Variants in CTIF observed in about 807,000 individuals in gnomAD.
CTIF encodes cap binding complex dependent translation initiation factor.
CTIF carries 21 observed loss-of-function variants against 66.0 expected under a neutral mutation model. The ratio of observed to expected loss-of-function variants is 0.32; its 90% CI spans 0.23 to 0.46. The LOEUF (loss-of-function observed/expected upper bound fraction) is 0.46, where lower values mean the gene tolerates loss of function less well. Among genes scored for constraint, CTIF ranks in the 20% least tolerant of loss-of-function variants. CTIF has a pLI of 1.00. For synonymous variants in CTIF, 345 were observed against 326.4 expected (o/e 1.06, Z -0.62); for missense variants, 739 against 812.7 (o/e 0.91, Z 1.10).
chr18:48,794,015 TC>T (rs1179737478), intron 9 of CTIF, among the ~76,000 whole-genome samples: 2 of 147,654 alleles, frequency 1.4e-5, no homozygotes, highest in East Asian at 4.3e-4. Context: ...ACAGATTTCA[TC>T]CCCATCCCCA....
At chr18:48,820,785 C>G (rs567813681) in intron 10 of CTIF, among the ~76,000 whole-genome samples, 1 of 152,360 alleles carries the variant, frequency 6.6e-6, no homozygotes, top group African/African-American at 2.4e-5. Flanking sequence ...AAACCCAAAC[C>G]CACAGGCCAT....
chr18:48,693,052 T>G (rs999917121), intron 6 of CTIF, among the ~76,000 whole-genome samples: 1 of 152,254 alleles, frequency 6.6e-6, no homozygotes, highest in African/African-American at 2.4e-5. Flanking sequence ...GATTAGATAT[T>G]AGGCCCTTAC....
chr18:48,563,913 C>T (rs969356945), intron 1 of CTIF, among the ~76,000 whole-genome samples: 3 of 152,158 alleles, frequency 2.0e-5, no homozygotes, highest in Non-Finnish European at 4.4e-5. Flanking sequence ...CCCTGTTCCC[C>T]GCCCCAGCCA....
rs989777046 is a variant in CTIF at position 48,706,725 on chromosome 18, C to T, written c.508-4894C>T. 3.3e-5 allele frequency among the ~76,000 whole-genome samples: 5 copies of T among 152,154 alleles called. No individual in the cohort carries two copies. In the South Asian group the frequency reaches 6.2e-4, roughly 19 times the overall value. Reference sequence around the variant, plus strand: ...TTTTTGCAACCAGAGCAATAACATGCCGCCCCTCAGTGTCATGTCTTCTGC... The same window carrying T: ...TTTTTGCAACCAGAGCAATAACATGTCGCCCCTCAGTGTCATGTCTTCTGC... On this transcript the variant is annotated intron_variant, in intron 6 of 11. Coordinates refer to ENST00000256413, the MANE Select transcript of CTIF (RefSeq NM_014772.3).
At chr18:48,732,747 C>T (rs1217530705) in intron 7 of CTIF, among the ~76,000 whole-genome samples, 1 of 152,202 alleles carries the variant, frequency 6.6e-6, no homozygotes. Context: ...GCCAGTGTGA[C>T]CTGCTCCTGT....
At chr18:48,566,847 C>T (rs1314544881) in intron 1 of CTIF, 1 of 152,194 alleles carries the variant, frequency 6.6e-6, no homozygotes, top group Non-Finnish European at 1.5e-5. Flanking sequence ...AATGCTGAGT[C>T]ATGTCTAAAT....
intron 10 of CTIF, among the ~76,000 whole-genome samples, chr18:48,834,364 G>C (rs963462902): frequency 6.6e-6 from 1 of 152,156 alleles, no homozygotes; most frequent in Non-Finnish European, 1.5e-5. Context: ...AATATTCTTT[G>C]ATTTTTTTCC....
chr18:48,666,534 G>A (rs2091437762), intron 5 of CTIF, among the ~76,000 whole-genome samples: 1 of 152,222 alleles, frequency 6.6e-6, no homozygotes, highest in South Asian at 2.1e-4. Flanking sequence ...AAATTTGTAT[G>A]TGTGCATGCA....
chr18:48,752,022 G>A (rs1907873268), intron 7 of CTIF, among the ~76,000 whole-genome samples: 1 of 152,166 alleles, frequency 6.6e-6, no homozygotes, highest in South Asian at 2.1e-4. Flanking sequence ...GTAGGGTGCA[G>A]AGGTACCAAT....
chr18:48,702,073 G>A (rs977773727), intron 6 of CTIF, among the ~76,000 whole-genome samples: 2 of 152,224 alleles, frequency 1.3e-5, no homozygotes, highest in Admixed American at 6.5e-5. Context: ...ACAAGAGAGA[G>A]GAGAGGGCAG....
chr18:48,777,712 G>T (rs1471751983), intron 9 of CTIF, among the ~76,000 whole-genome samples: 1 of 152,230 alleles, frequency 6.6e-6, no homozygotes, highest in Non-Finnish European at 1.5e-5. Context: ...GTCTAGTGTT[G>T]TTTATGTTCT....
intron 1 of CTIF, among the ~76,000 whole-genome samples, chr18:48,579,097 G>T (rs1380612461): frequency 6.6e-6 from 1 of 152,056 alleles, no homozygotes; most frequent in South Asian, 2.1e-4. Flanking sequence ...TGTCACCCAG[G>T]CAGGAGTGCA....
intron 7 of CTIF, among the ~76,000 whole-genome samples, chr18:48,754,823 C>T (rs1908188071): frequency 6.6e-6 from 1 of 152,232 alleles, no homozygotes; most frequent in African/African-American, 2.4e-5. Context: ...CAAGCTCTTT[C>T]GAACCAGAAA....
intron 1 of CTIF, among the ~76,000 whole-genome samples, chr18:48,607,936 G>A (rs944455275): frequency 4.6e-5 from 7 of 152,106 alleles, no homozygotes; most frequent in African/African-American, 1.7e-4. Context: ...TTTTGGACCT[G>A]GACTATCATG....
intron 10 of CTIF, among the ~76,000 whole-genome samples, chr18:48,853,510 C>T (rs957123003): frequency 9.2e-5 from 14 of 152,148 alleles, no homozygotes; most frequent in South Asian, 2.1e-4. Flanking sequence ...CTGGGTTGAC[C>T]GTTGCTCTCC....
At chr18:48,721,811 G>A (rs2092340331) in intron 7 of CTIF, among the ~76,000 whole-genome samples, 1 of 152,060 alleles carries the variant, frequency 6.6e-6, no homozygotes, top group Non-Finnish European at 1.5e-5. Context: ...TGGACCAGAA[G>A]TCATGGAATC....
intron 10 of CTIF, among the ~76,000 whole-genome samples, chr18:48,849,863 C>T (rs1244268530): frequency 2.0e-5 from 3 of 152,138 alleles, no homozygotes; most frequent in Non-Finnish European, 4.4e-5. Context: ...GGATTACAGG[C>T]GTGAGCCACC....
At chr18:48,751,400 G>A (rs1348772556) in intron 7 of CTIF, among the ~76,000 whole-genome samples, 2 of 152,164 alleles carry the variant, frequency 1.3e-5, no homozygotes, top group Admixed American at 6.5e-5. Context: ...TAAAGCTAGA[G>A]ACCTGTTTCT....
chr18:48,829,634 G>C (rs1165886800), intron 10 of CTIF, among the ~76,000 whole-genome samples: 3 of 152,188 alleles, frequency 2.0e-5, no homozygotes, highest in Non-Finnish European at 2.9e-5. Flanking sequence ...TTGGGGTGCC[G>C]AGTGCTGGAC....
Sources: gnomAD v4.1 joint callset for allele counts (sites outside exome capture counted in the v4.1 genomes callset) on GRCh38, gnomAD v4.1.1 for gene constraint, MANE v1.5 for transcripts, NCBI Gene and HGNC (gene_info 2026-07-23, HGNC 2026-07-21) for gene names.